SDK2: variants seen among roughly 807,000 people sequenced by gnomAD.
SDK2 encodes protein sidekick-2.
A neutral mutation model predicts 253.9 loss-of-function variants in SDK2; 105 were observed. The ratio of observed to expected loss-of-function variants is 0.41; its 90% CI spans 0.35 to 0.49. The LOEUF is 0.49. Ranked by LOEUF, SDK2 falls within the 20% of genes least tolerant of loss-of-function variation. The pLI is 0.06. For missense variants in SDK2, 2,608 were observed against 3,003.0 expected (o/e 0.87, Z 3.07); for synonymous variants, 1,249 against 1,234.9 (o/e 1.01, Z -0.24).
At chr17:73,540,385 A>G (rs746118253) in intron 1 of SDK2, among the ~76,000 whole-genome samples, 5 of 152,152 alleles carry the variant, frequency 3.3e-5, no homozygotes, top group Non-Finnish European at 5.9e-5. Context: ...ACACACACAC[A>G]CAGTCCCCAA....
Position 73,612,546 on chromosome 17 carries a change from C to T in SDK2, c.64+31479G>A, listed in dbSNP as rs977757373. 3.3e-5 allele frequency among the ~76,000 whole-genome samples: 5 copies of T among 152,136 alleles called. No homozygotes were observed. The highest frequency in any genetic ancestry group is 2.1e-4 in the South Asian group (1 of 4,832). On this transcript the variant is annotated intron_variant, in intron 1 of 44. Coordinates refer to ENST00000392650, the MANE Select transcript of SDK2 (RefSeq NM_001144952.2). The surrounding 1 kb of genome is among the most constrained non-coding windows in gnomAD (Gnocchi z 4.4). ...GCCCAGGGTGGCAGCCTGAGGGTCC[C>T]GGCTTCCCCATTCTGACCCCTTCAG... is the stretch of plus-strand genomic sequence containing the variant.
chr17:73,541,548 C>T lies in SDK2; in HGVS notation c.65-33951G>A, dbSNP rs981436093. 1.3e-5 allele frequency among the ~76,000 whole-genome samples: 2 copies of T among 151,748 alleles called. No homozygotes were observed. The highest frequency in any genetic ancestry group is 2.4e-5 in the African/African-American group (1 of 41,278). Reference sequence around the variant, plus strand: ...CGAGATAGGTAGAGGGGTGAGTGCCCGTGGTCTACTTCATGGCGACTTCAA... The same window carrying T: ...CGAGATAGGTAGAGGGGTGAGTGCCTGTGGTCTACTTCATGGCGACTTCAA... On this transcript the variant is annotated intron_variant, in intron 1 of 44. Coordinates refer to ENST00000392650, the MANE Select transcript of SDK2 (RefSeq NM_001144952.2). The surrounding 1 kb of genome is among the most constrained non-coding windows in gnomAD (Gnocchi z 4.3).
chr17:73,435,324 G>T lies in SDK2; in HGVS notation c.1195+126C>A. On this transcript the variant is annotated intron_variant, in intron 9 of 44. Transcript: ENST00000392650. This position sits in a 1 kb window ranked among gnomAD's most constrained non-coding sequence, Gnocchi z 5.7. The stretch of plus-strand genomic sequence containing the variant: ...CCCCCAGGCTGCTGGGCAGCAGGCG[G>T]CCTTTGGGGATCCTATCTGCTTAAT... 1.1e-6 allele frequency: 1 copy of T among 932,068 alleles called. No homozygotes were observed. Among genetic ancestry groups the T allele is most frequent in the South Asian group, 1.8e-5 (1 of 54,712 alleles). 57.7% of individuals were successfully genotyped at this position (932,068 alleles called of 1,614,324 possible).
chr17:73,640,072 A>C (rs2046379052), intron 1 of SDK2, among the ~76,000 whole-genome samples: 1 of 152,170 alleles, frequency 6.6e-6, no homozygotes, highest in Non-Finnish European at 1.5e-5. Flanking sequence ...TTAACACTTC[A>C]TTTTAAAGTC....
intron 34 of SDK2, among the ~76,000 whole-genome samples, chr17:73,380,569 C>T (rs2062821738): frequency 6.6e-6 from 1 of 152,170 alleles, no homozygotes. Flanking sequence ...CACGTGGACA[C>T]CTGCCCACCT....
At chr17:73,401,877 T>G in intron 19 of SDK2, 69 bp downstream of exon 19, 1 of 1,401,080 alleles carries the variant, frequency 7.1e-7, no homozygotes. Context: ...GGGCCACCCT[T>G]CTGCCTGGGG....
At chr17:73,382,243 C>T (rs1486794274) in intron 33 of SDK2, among the ~76,000 whole-genome samples, 1 of 151,212 alleles carries the variant, frequency 6.6e-6, no homozygotes, top group Non-Finnish European at 1.5e-5. Context: ...AAAGAAGAGG[C>T]TCTTAAACTG....
At chr17:73,454,955 A>G (rs1390617903) in intron 4 of SDK2, among the ~76,000 whole-genome samples, 1 of 152,164 alleles carries the variant, frequency 6.6e-6, no homozygotes, top group Non-Finnish European at 1.5e-5. Flanking sequence ...AGTCCACCTC[A>G]GTCTCCCAAA....
intron 18 of SDK2, among the ~76,000 whole-genome samples, chr17:73,405,716 T>C (rs1021567405): frequency 6.7e-6 from 1 of 148,858 alleles, no homozygotes; most frequent in Non-Finnish European, 1.5e-5. Context: ...CACCTCCTCT[T>C]ATATATCTTT....
At chr17:73,575,418 C>T (rs2045444711) in intron 1 of SDK2, among the ~76,000 whole-genome samples, 1 of 152,226 alleles carries the variant, frequency 6.6e-6, no homozygotes. Context: ...TCCAGAACGC[C>T]TGCCAGTTCC....
intron 18 of SDK2, among the ~76,000 whole-genome samples, chr17:73,413,756 C>T (rs533142188): frequency 2.6e-5 from 4 of 152,244 alleles, no homozygotes; most frequent in African/African-American, 4.8e-5. Flanking sequence ...TTCAGCGGTG[C>T]GAGCAGTGCA....
At chr17:73,523,505 AAGG>A (rs2064100373) in intron 1 of SDK2, among the ~76,000 whole-genome samples, 1 of 151,850 alleles carries the variant, frequency 6.6e-6, no homozygotes, top group Non-Finnish European at 1.5e-5. Context: ...AGAAACACGC[AAGG>A]AGAAGATGGC....
rs2063533890 is a variant in SDK2 at position 73,457,274 on chromosome 17, CCT to C, written c.332-1223_332-1222del. On this transcript the variant is annotated intron_variant, in intron 3 of 44. Coordinates refer to ENST00000392650, the MANE Select transcript of SDK2 (RefSeq NM_001144952.2). Reference sequence around the variant, plus strand: ...TCCTTCCTTCCTTCCTTCCTTCCTTCCTTCCTTCCTTCCCCCCTCCCTCCCTC... The same window carrying C: ...TCCTTCCTTCCTTCCTTCCTTCCTTCTCCTTCCTTCCCCCCTCCCTCCCTC... 1.0e-3 allele frequency among the ~76,000 whole-genome samples: 56 copies of C among 53,706 alleles called. 5 individuals are homozygous for C. The East Asian group carries it at 0.031, about 30-fold the overall frequency. The allele number at this position is 53,706 out of a possible 152,430, so 35.2% of individuals were successfully genotyped here. A position where few individuals can be genotyped will look rare whatever the true frequency, so the allele number is the denominator to read the frequency against.
intron 1 of SDK2, among the ~76,000 whole-genome samples, chr17:73,539,530 C>T (rs745583635): frequency 5.3e-5 from 8 of 151,884 alleles, no homozygotes; most frequent in Admixed American, 2.0e-4. Flanking sequence ...GGCAAAAGCA[C>T]GGCTAGGGTT....
At chr17:73,540,513 CT>C (rs2044852586) in intron 1 of SDK2, among the ~76,000 whole-genome samples, 1 of 152,146 alleles carries the variant, frequency 6.6e-6, no homozygotes, top group Non-Finnish European at 1.5e-5. Flanking sequence ...GAATATGGGA[CT>C]AGGTATGATA....
intron 39 of SDK2, among the ~76,000 whole-genome samples, chr17:73,360,220 C>G (rs2062629072): frequency 6.6e-6 from 1 of 152,232 alleles, no homozygotes; most frequent in Non-Finnish European, 1.5e-5. Context: ...GGCTGGGTGG[C>G]TCCTGGGCTG....
intron 1 of SDK2, among the ~76,000 whole-genome samples, chr17:73,582,308 TG>T (rs1428401671): frequency 6.7e-6 from 1 of 148,188 alleles, no homozygotes; most frequent in East Asian, 2.0e-4. Flanking sequence ...CATCAGCATT[TG>T]GGGGCGCACA....
chr17:73,469,107 G>A (rs751651436), intron 3 of SDK2, among the ~76,000 whole-genome samples: 164 of 152,334 alleles, frequency 1.1e-3, no homozygotes, highest in Non-Finnish European at 1.8e-3. Flanking sequence ...ACAGGCGTGA[G>A]CCACTGCACC....
intron 38 of SDK2, among the ~76,000 whole-genome samples, chr17:73,363,041 C>T (rs2062654540): frequency 6.6e-6 from 1 of 152,216 alleles, no homozygotes; most frequent in East Asian, 1.9e-4. Context: ...AGTAAAATAA[C>T]AGAGCATGTA....
Sources: gnomAD v4.1 joint callset for allele counts (sites outside exome capture counted in the v4.1 genomes callset) on GRCh38, gnomAD v4.1.1 for gene constraint, Gnocchi (gnomAD v3.1) non-coding constraint, MANE v1.5 for transcripts, NCBI Gene and HGNC (gene_info 2026-07-23, HGNC 2026-07-21) for gene names.